The following NR1H4 variants were observed in gnomAD, a reference collection of about 807,000 sequenced individuals.
NR1H4 encodes bile acid receptor.
NR1H4 carries 23 observed loss-of-function variants against 58.5 expected under a neutral mutation model. The observed-to-expected ratio is 0.39, with a 90% CI of 0.28 to 0.56. NR1H4 has a LOEUF of 0.56. NR1H4 is among the 20% of genes least tolerant of loss of function. NR1H4 has a pLI of 0.58. For missense variants in NR1H4, 487 were observed against 576.9 expected (o/e 0.84, Z 1.60); for synonymous variants, 214 against 198.0 (o/e 1.08, Z -0.68).
chr12:100,500,349 C>T (rs903244652), intron 3 of NR1H4, among the ~76,000 whole-genome samples: 8 of 152,146 alleles, frequency 5.3e-5, no homozygotes, highest in Non-Finnish European at 1.0e-4. Context: ...CCCCACTCAG[C>T]GTGAGAGGTA....
In NR1H4 at chr12:100,505,686, G is replaced by C. The variant is rs1953943585; in HGVS notation, c.80-5092G>C. On this transcript the variant is annotated intron_variant, in intron 3 of 10. Transcript: ENST00000392986. The stretch of plus-strand genomic sequence containing the variant: ...ATCCTAATTCTCATACTCTTTGATA[G>C]GCTAATTCCAAAATAAAGATTCCTA... 11 of 656,970 alleles carry C rather than the reference G, an allele frequency of 1.7e-5. No individual in the cohort carries two copies. In the South Asian group the frequency reaches 1.9e-4, roughly 11 times the overall value. The allele number at this position is 656,970 out of a possible 1,614,324, so 40.7% of individuals were successfully genotyped here.
chr12:100,533,622 A>T (rs1246681874), intron 5 of NR1H4, among the ~76,000 whole-genome samples: 1 of 152,232 alleles, frequency 6.6e-6, no homozygotes, highest in Non-Finnish European at 1.5e-5. Flanking sequence ...TTACTCTGAC[A>T]CTGCACAGCT....
At chr12:100,541,444 G>C (rs1018756928) in intron 9 of NR1H4, among the ~76,000 whole-genome samples, 1 of 151,830 alleles carries the variant, frequency 6.6e-6, no homozygotes, top group Non-Finnish European at 1.5e-5. Flanking sequence ...ACCACACCCA[G>C]CTAATTTTGG....
At chr12:100,533,272 C>T (rs962210021) in intron 5 of NR1H4, among the ~76,000 whole-genome samples, 4 of 152,164 alleles carry the variant, frequency 2.6e-5, no homozygotes, top group Non-Finnish European at 4.4e-5. Flanking sequence ...TCTGCAAATT[C>T]TACAGACCAC....
intron 4 of NR1H4, among the ~76,000 whole-genome samples, chr12:100,526,051 A>T (rs1003682305): frequency 6.6e-6 from 1 of 152,028 alleles, no homozygotes; most frequent in African/African-American, 2.4e-5. Context: ...TGGTTAGCCT[A>T]GCCTTATTAA....
At chr12:100,490,135 C>T (rs1237792765) in intron 1 of NR1H4, among the ~76,000 whole-genome samples, 1 of 152,158 alleles carries the variant, frequency 6.6e-6, no homozygotes, top group African/African-American at 2.4e-5. Flanking sequence ...GCAAGAAAAA[C>T]AATAAATGCA....
In NR1H4 at chr12:100,550,310, A is replaced by G. The variant is rs140103959; in HGVS notation, c.1078+9492A>G. 1.1e-3 allele frequency among the ~76,000 whole-genome samples: 167 copies of G among 152,282 alleles called. 1 individual carries two copies. The highest frequency in any genetic ancestry group is 9.9e-3 in the Admixed American group (151 of 15,288). On this transcript the variant is annotated intron_variant, in intron 9 of 10. Coordinates refer to ENST00000392986, the MANE Select transcript of NR1H4 (RefSeq NM_001206979.2). ...AAAAATAGGAATAATCATAGTATAT[A>G]AAATATTATAGACTGAAATAGGTTT...
At chr12:100,476,680 A>C (rs1245147046) in intron 1 of NR1H4, among the ~76,000 whole-genome samples, 1 of 152,128 alleles carries the variant, frequency 6.6e-6, no homozygotes, top group African/African-American at 2.4e-5. Context: ...TCTCAGTCTC[A>C]TTTTTATCTT....
chr12:100,560,204 A>G (rs1352317042), intron 9 of NR1H4, among the ~76,000 whole-genome samples: 2 of 152,176 alleles, frequency 1.3e-5, no homozygotes, highest in South Asian at 2.1e-4. Flanking sequence ...GCGCCCTGAC[A>G]AAACAGGCCA....
intron 9 of NR1H4, among the ~76,000 whole-genome samples, chr12:100,561,671 A>C (rs1955478053): frequency 6.6e-6 from 1 of 152,230 alleles, no homozygotes; most frequent in Admixed American, 6.5e-5. Flanking sequence ...TACACTCATT[A>C]CACTCATTGT....
intron 9 of NR1H4, among the ~76,000 whole-genome samples, chr12:100,548,547 A>C (rs1032298553): frequency 2.6e-5 from 4 of 152,076 alleles, no homozygotes; most frequent in Non-Finnish European, 5.9e-5. Flanking sequence ...TTGATGAGAC[A>C]CTTAGCTTCG....
chr12:100,474,627 A>AT (rs1953228888), intron 1 of NR1H4, among the ~76,000 whole-genome samples: 1 of 152,240 alleles, frequency 6.6e-6, no homozygotes, highest in South Asian at 2.1e-4. Flanking sequence ...AGATGGAAAT[A>AT]TTTTTAAAAG....
At position 100,511,100 on chromosome 12, in the gene NR1H4, C is replaced by T; in HGVS notation, c.402C>T (p.Ala134=). The T allele has an allele frequency of 1.2e-6, 2 of 1,614,232 alleles. No individual in the cohort carries two copies. Among genetic ancestry groups the T allele is most frequent in the Non-Finnish European group, 1.7e-6 (2 of 1,180,034 alleles). Residue 134 remains alanine (A), a synonymous_variant, in exon 4 of 11, where the codon GCC becomes GCT. Coordinates refer to ENST00000392986, the MANE Select transcript of NR1H4 (RefSeq NM_001206979.2). ...DELCVVCGDR[A]SGYHYNALTC... Reference sequence around the variant, plus strand: ...TGTGTGTTGTTTGTGGAGACAGAGCCTCTGGATACCACTATAATGCACTGA... The same window carrying T: ...TGTGTGTTGTTTGTGGAGACAGAGCTTCTGGATACCACTATAATGCACTGA...
At chr12:100,522,138 AATGGTG>A (rs532799809) in intron 4 of NR1H4, among the ~76,000 whole-genome samples, 1,762 of 151,230 alleles carry the variant, frequency 0.012, 91 homozygotes, top group Admixed American at 0.09. Context: ...TGATGATGAT[AATGGTG>A]ATGGTGATGG....
intron 4 of NR1H4, among the ~76,000 whole-genome samples, chr12:100,523,626 C>T (rs1007672898): frequency 3.3e-5 from 5 of 152,038 alleles, no homozygotes; most frequent in African/African-American, 7.2e-5. Context: ...TCTTGATGTA[C>T]CTGGCACTCT....
At chr12:100,545,050 A>C (rs986573944) in intron 9 of NR1H4, among the ~76,000 whole-genome samples, 1 of 152,110 alleles carries the variant, frequency 6.6e-6, no homozygotes, top group Non-Finnish European at 1.5e-5. Flanking sequence ...ATGAGAGGGC[A>C]TCTGCAGGAG....
At chr12:100,543,190 G>A (rs1954977550) in intron 9 of NR1H4, among the ~76,000 whole-genome samples, 4 of 152,128 alleles carry the variant, frequency 2.6e-5, no homozygotes, top group Admixed American at 2.6e-4. Context: ...ACAAAGAAGG[G>A]TGAGTAGCTG....
intron 4 of NR1H4, among the ~76,000 whole-genome samples, chr12:100,522,251 G>A (rs992138231): frequency 5.3e-5 from 8 of 152,088 alleles, no homozygotes; most frequent in African/African-American, 1.9e-4. Flanking sequence ...TAATAATCAT[G>A]TTGATAGATA....
intron 1 of NR1H4, among the ~76,000 whole-genome samples, chr12:100,491,141 A>G (rs1278142230): frequency 6.6e-6 from 1 of 152,076 alleles, no homozygotes; most frequent in African/African-American, 2.4e-5. Flanking sequence ...TCCCGCTCCT[A>G]TCAGAGCCTC....
Sources: allele counts gnomAD v4.1 joint callset (sites outside exome capture counted in the v4.1 genomes callset), GRCh38; gene constraint gnomAD v4.1.1; transcripts MANE v1.5; gene names NCBI Gene and HGNC (gene_info 2026-07-23, HGNC 2026-07-21).